The following ASAP2 variants were observed in gnomAD, a reference collection of about 807,000 sequenced individuals.
ASAP2 encodes the protein ArfGAP with SH3 domain, ankyrin repeat and PH domain 2.
A neutral mutation model predicts 131.4 loss-of-function variants in ASAP2; 45 were observed. The ratio of observed to expected loss-of-function variants is 0.34; its 90% CI spans 0.27 to 0.44. The LOEUF is 0.44. Among genes scored for constraint, ASAP2 ranks in the 20% least tolerant of loss-of-function variants. The pLI, the probability that ASAP2 is intolerant of heterozygous loss-of-function variation, is 1.00. For synonymous variants in ASAP2, 510 were observed against 503.0 expected (o/e 1.01, Z -0.19); for missense variants, 1,011 against 1,297.0 (o/e 0.78, Z 3.39).
chr2:9,335,031 G>A (rs1244809597), intron 8 of ASAP2, 62 bp from the exon 9 acceptor site: 14 of 1,546,572 alleles, frequency 9.1e-6, no homozygotes, highest in South Asian at 5.6e-5. Flanking sequence ...GAGCACCAAC[G>A]TTTCACTGTA....
chr2:9,303,667 C>T (rs1668638463), intron 3 of ASAP2, among the ~76,000 whole-genome samples: 1 of 152,232 alleles, frequency 6.6e-6, no homozygotes, highest in Non-Finnish European at 1.5e-5. Flanking sequence ...ATGTTCTATA[C>T]TCACAAATCT....
intron 12 of ASAP2, among the ~76,000 whole-genome samples, chr2:9,352,599 A>G (rs16867010): frequency 0.012 from 1,846 of 152,284 alleles, 36 homozygotes; most frequent in African/African-American, 0.043. Context: ...CCTTTTTACA[A>G]CACAGCAGGC....
At chr2:9,258,835 T>A (rs1665366646) in intron 1 of ASAP2, among the ~76,000 whole-genome samples, 1 of 152,228 alleles carries the variant, frequency 6.6e-6, no homozygotes, top group Non-Finnish European at 1.5e-5. Context: ...CCTCTTCACT[T>A]CTCAAACTAA....
intron 7 of ASAP2, among the ~76,000 whole-genome samples, chr2:9,332,183 G>C (rs1670887828): frequency 6.6e-6 from 1 of 152,134 alleles, no homozygotes; most frequent in Non-Finnish European, 1.5e-5. Flanking sequence ...GGGTAATGTT[G>C]ATGGTAAAAG....
intron 27 of ASAP2, 45 bp downstream of exon 27, chr2:9,401,441 G>T (rs770585926): frequency 6.2e-7 from 1 of 1,600,982 alleles, no homozygotes; most frequent in African/African-American, 1.3e-5. Flanking sequence ...GCTGAGCCAC[G>T]TCCCTGCCCA....
At position 9,403,288 on chromosome 2, in the gene ASAP2, C is replaced by T. The variant is rs370159202; in HGVS notation, c.2982C>T (p.Gly994=). The T allele has an allele frequency of 4.3e-6, 7 of 1,614,130 alleles. No individual in the cohort carries two copies. Among genetic ancestry groups the T allele is most frequent in the East Asian group, 2.2e-5 (1 of 44,884 alleles). Residue 994 remains glycine, a synonymous_variant, in exon 28 of 28, where the codon GGC becomes GGT. Coordinates refer to ENST00000281419, the MANE Select transcript of ASAP2 (RefSeq NM_003887.3). ...GHIDGDPGRK[G]AFPVSFVHFI... is the part of the protein sequence containing the mutation. The stretch of plus-strand genomic sequence containing the variant: ...TTGATGGAGATCCTGGTCGCAAAGG[C>T]GCATTCCCGGTGTCATTTGTGCACT...
intron 1 of ASAP2, among the ~76,000 whole-genome samples, chr2:9,261,396 T>G (rs1217065034): frequency 6.6e-6 from 1 of 152,174 alleles, no homozygotes; most frequent in African/African-American, 2.4e-5. Context: ...TTTGAGTCAG[T>G]TTCTTCTCCT....
intron 3 of ASAP2, among the ~76,000 whole-genome samples, chr2:9,301,669 A>C (rs1326310150): frequency 6.6e-6 from 1 of 152,214 alleles, no homozygotes; most frequent in Non-Finnish European, 1.5e-5. Flanking sequence ...CATGAAGATC[A>C]GCATCCATTG....
intron 6 of ASAP2, 24 bp from the exon 7 acceptor site, chr2:9,327,800 GAC>G (rs1360244271): frequency 6.5e-7 from 1 of 1,547,406 alleles, no homozygotes; most frequent in Non-Finnish European, 8.8e-7. Context: ...TTACTTCCAT[GAC>G]ATTTCCTTTT....
At chr2:9,229,954 G>A (rs1157783527) in intron 1 of ASAP2, among the ~76,000 whole-genome samples, 1 of 152,144 alleles carries the variant, frequency 6.6e-6, no homozygotes, top group African/African-American at 2.4e-5. Context: ...GGGTAGAGAT[G>A]TGTGTTTGTG....
chr2:9,279,889 T>TAC (rs1443680159), intron 2 of ASAP2, among the ~76,000 whole-genome samples: 2 of 152,166 alleles, frequency 1.3e-5, no homozygotes, highest in South Asian at 4.2e-4. Context: ...TATTTACACA[T>TAC]ATATATTTTT....
intron 26 of ASAP2, 38 bp from the exon 27 acceptor site, chr2:9,401,236 T>C (rs1318029641): frequency 3.7e-6 from 6 of 1,610,916 alleles, no homozygotes; most frequent in Non-Finnish European, 5.1e-6. Context: ...AGCTGAGGCC[T>C]GCAGCCACAC....
At chr2:9,296,487 T>C (rs190438991) in intron 2 of ASAP2, among the ~76,000 whole-genome samples, 2 of 152,326 alleles carry the variant, frequency 1.3e-5, no homozygotes, top group Admixed American at 6.5e-5. Flanking sequence ...AGGTGCTACT[T>C]TGAGGCCTAA....
At chr2:9,279,793 T>C (rs996409634) in intron 2 of ASAP2, among the ~76,000 whole-genome samples, 1 of 150,892 alleles carries the variant, frequency 6.6e-6, no homozygotes, top group African/African-American at 2.4e-5. Context: ...TCTTGCCTTT[T>C]CTAGTATAGG....
At chr2:9,396,428 C>A (rs1028954125) in intron 24 of ASAP2, among the ~76,000 whole-genome samples, 1 of 152,042 alleles carries the variant, frequency 6.6e-6, no homozygotes, top group Non-Finnish European at 1.5e-5. Context: ...CACGCACCAC[C>A]ATGCCCGGTT....
intron 2 of ASAP2, among the ~76,000 whole-genome samples, chr2:9,292,534 CAAAAG>C (rs1276367617): frequency 6.6e-6 from 1 of 151,938 alleles, no homozygotes; most frequent in African/African-American, 2.4e-5. Context: ...AAAACAAAAA[CAAAAG>C]AAAAACAGAG....
intron 3 of ASAP2, among the ~76,000 whole-genome samples, chr2:9,314,487 A>G (rs1361042299): frequency 6.6e-6 from 1 of 152,188 alleles, no homozygotes; most frequent in Non-Finnish European, 1.5e-5. Flanking sequence ...GATTTCTTCC[A>G]TCAATAATTT....
At chr2:9,359,211 T>C (rs1049031908) in intron 15 of ASAP2, among the ~76,000 whole-genome samples, 2 of 152,246 alleles carry the variant, frequency 1.3e-5, no homozygotes, top group Non-Finnish European at 2.9e-5. Flanking sequence ...AGATGTGGAA[T>C]GCAACGTCTA....
intron 3 of ASAP2, among the ~76,000 whole-genome samples, chr2:9,317,812 A>ACAAT (rs75227558): frequency 0.29 from 43,871 of 150,884 alleles, 6,659 homozygotes; most frequent in Non-Finnish European, 0.35. Flanking sequence ...ACACACTCAC[A>ACAAT]CAATCACACC....
Sources: gnomAD v4.1 joint callset for allele counts (sites outside exome capture counted in the v4.1 genomes callset) on GRCh38, gnomAD v4.1.1 for gene constraint, MANE v1.5 for transcripts, NCBI Gene and HGNC (gene_info 2026-07-23, HGNC 2026-07-21) for gene names.